The following CNGB1 variants were observed in gnomAD, a reference collection of about 807,000 sequenced individuals.
CNGB1 encodes the protein cyclic nucleotide-gated channel beta-1.
CNGB1 carries 126 observed loss-of-function variants against 151.7 expected under a neutral mutation model. The observed-to-expected ratio is 0.83, with a 90% CI of 0.72 to 0.96. The LOEUF (loss-of-function observed/expected upper bound fraction) is 0.96. Ranked by LOEUF, CNGB1 falls within the 40% of genes least tolerant of loss-of-function variation. CNGB1 has a pLI of 0.00. For missense variants in CNGB1, 1,698 were observed against 1,627.0 expected (o/e 1.04, Z -0.75); for synonymous variants, 623 against 635.1 (o/e 0.98, Z 0.29).
At position 57,883,069 on chromosome 16, in the gene CNGB1, C is replaced by G. The variant is rs1243653066; in HGVS notation, c.*1095G>C. 1.9e-4 allele frequency: 29 copies of G among 152,154 alleles called. No homozygotes were observed. The highest frequency in any genetic ancestry group is 1.9e-3 in the Admixed American group (29 of 15,272). The allele number at this position is 152,154 out of a possible 1,614,324, so 9.4% of individuals were successfully genotyped here. Reference sequence around the variant, plus strand: ...CGCTAGCAGCTCCTGGCCAGTAAGTCCATTTCCCTTCTATCTGTTCTGAGA... The same window carrying G: ...CGCTAGCAGCTCCTGGCCAGTAAGTGCATTTCCCTTCTATCTGTTCTGAGA... On this transcript the variant is annotated 3_prime_UTR_variant, in exon 33 of 33. Coordinates refer to ENST00000251102, the MANE Select transcript of CNGB1 (RefSeq NM_001297.5).
rs1959778013 is a variant in CNGB1 at position 57,882,341 on chromosome 16, A to ATTTT, written c.*1822_*1823insAAAA. The ATTTT allele has an allele frequency of 6.6e-6, 1 of 151,596 alleles. No homozygotes were observed. The highest frequency in any genetic ancestry group is 1.5e-5 in the Non-Finnish European group (1 of 67,816). The allele number at this position is 151,596 out of a possible 1,614,324, so 9.4% of individuals were successfully genotyped here. A position where few individuals can be genotyped will look rare whatever the true frequency, so the allele number is the denominator to read the frequency against. On this transcript the variant is annotated 3_prime_UTR_variant, in exon 33 of 33. Transcript: ENST00000251102. ...ATTTTTAAAGCTTTTTTTTTTAAAA[A>ATTTT]AAAAATAGGGTAAAATAATAAGGTC...
rs145089245 is a variant in CNGB1, at chr16:57,953,306, C to T, written c.875-2766G>A. ...GGTCAAGAGATCGAGACCATCCTGG[C>T]CAACATGGTGAAACCCATTCTCTAC... On this transcript the variant is annotated intron_variant, in intron 12 of 32. Transcript: ENST00000251102. Among the ~76,000 whole-genome samples the T allele has an allele frequency of 4.9e-3, 743 of 152,126 alleles. 6 individuals carry two copies. Among genetic ancestry groups the T allele is most frequent in the African/African-American group, 0.017 (711 of 41,494 alleles).
chr16:57,922,659 C>T (rs1019952762), intron 18 of CNGB1, among the ~76,000 whole-genome samples: 2 of 151,794 alleles, frequency 1.3e-5, no homozygotes, highest in African/African-American at 4.8e-5. Context: ...GAACTCCTGA[C>T]ATCAGGTGAT....
chr16:57,953,018 C>A (rs1408329347), intron 12 of CNGB1, among the ~76,000 whole-genome samples: 2 of 152,160 alleles, frequency 1.3e-5, no homozygotes, highest in Non-Finnish European at 2.9e-5. Context: ...CTCCAACTGC[C>A]CCTCTCTACA....
intron 18 of CNGB1, among the ~76,000 whole-genome samples, chr16:57,922,938 A>C (rs994070823): frequency 1.3e-5 from 2 of 149,460 alleles, no homozygotes; most frequent in Non-Finnish European, 3.0e-5. Flanking sequence ...CCCTGTCCCC[A>C]CTGACCTTTC....
intron 2 of CNGB1, among the ~76,000 whole-genome samples, 198 bp from the exon 3 acceptor site, chr16:57,964,742 C>T (rs115345960): frequency 0.016 from 2,438 of 152,314 alleles, 67 homozygotes; most frequent in African/African-American, 0.055. Flanking sequence ...AGGGACCCCT[C>T]ATCTGGGGCT....
chr16:57,906,107 T>G (rs1041565999), intron 25 of CNGB1, among the ~76,000 whole-genome samples: 5 of 152,180 alleles, frequency 3.3e-5, no homozygotes, highest in Non-Finnish European at 7.3e-5. Flanking sequence ...CAGCTATTTA[T>G]GCAGTGTCCT....
intron 31 of CNGB1, among the ~76,000 whole-genome samples, chr16:57,888,772 C>A (rs1399591869): frequency 6.6e-6 from 1 of 151,922 alleles, no homozygotes; most frequent in African/African-American, 2.4e-5. Flanking sequence ...TTTTAACCAG[C>A]AGAAGAGTTA....
intron 19 of CNGB1, among the ~76,000 whole-genome samples, chr16:57,919,611 C>T (rs773346104): frequency 3.3e-5 from 5 of 152,150 alleles, no homozygotes; most frequent in Admixed American, 2.0e-4. Context: ...GGGATGGGGG[C>T]ATTTTGTACC....
At position 57,964,131 on chromosome 16, in the gene CNGB1, T is replaced by C. The variant is rs1368269878; in HGVS notation, c.289A>G (p.Ser97Gly). ...AGAGAGGGGAGGGTGGTGCAGTACC[T>C]ATTCATTTCAGAAATCTCAGCGCCC... The part of the protein sequence containing the change: ...AQGAEISEMN[S>G]PSRRVLTWLM... The change falls in exon 4 of 33, where the codon AGT becomes GGT. Residue 97 changes from serine (S) to glycine (G), a missense_variant and splice_region_variant. Ser to Gly is a moderately conservative substitution (Grantham distance 56). Transcript: ENST00000251102. The C allele has an allele frequency of 1.2e-6, 2 of 1,614,034 alleles. No individual in the cohort carries two copies. The highest frequency in any genetic ancestry group is 4.5e-5 in the East Asian group (2 of 44,866).
intron 27 of CNGB1, 55 bp from the exon 28 acceptor site, chr16:57,901,680 T>A (rs57419704): frequency 0.023 from 33,065 of 1,464,560 alleles, 482 homozygotes; most frequent in South Asian, 0.045. Flanking sequence ...ACCCCAGACA[T>A]ACATACCGGC....
rs780282886 is a variant in CNGB1, at chr16:57,967,297, G to A, written c.-8-3C>T. The A allele has an allele frequency of 4.3e-6, 7 of 1,614,048 alleles. No individual in the cohort carries two copies. The highest frequency in any genetic ancestry group is 5.9e-6 in the Non-Finnish European group (7 of 1,180,042). ...GACCCAGCCCAACATCCTGATGCCT[G>A]TAGGAGACAGAGTCCTTAGCCCTCC... On this transcript the variant is annotated splice_region_variant and splice_polypyrimidine_tract_variant and intron_variant, in intron 1 of 32. Transcript: ENST00000251102.
chr16:57,920,585 A>C (rs2149366593), intron 18 of CNGB1, 41 bp from the exon 19 acceptor site: 1 of 1,604,552 alleles, frequency 6.2e-7, no homozygotes, highest in East Asian at 2.2e-5. Flanking sequence ...CTGAGCCGGG[A>C]GGGACCTGTG....
At chr16:57,909,576 A>G (rs148118493) in intron 25 of CNGB1, among the ~76,000 whole-genome samples, 3,285 of 152,142 alleles carry the variant, frequency 0.022, 120 homozygotes, top group African/African-American at 0.074. Context: ...TTTAGTAGAG[A>G]TGTGGTTTCG....
chr16:57,888,115 T>C, intron 31 of CNGB1, 41 bp from the exon 32 acceptor site: 1 of 1,594,732 alleles, frequency 6.3e-7, no homozygotes, highest in Non-Finnish European at 8.6e-7. Flanking sequence ...AGACGCACTC[T>C]GGGGGAAAAG....
chr16:57,929,676 T>C (rs997842564), intron 17 of CNGB1, among the ~76,000 whole-genome samples: 1 of 151,972 alleles, frequency 6.6e-6, no homozygotes, highest in African/African-American at 2.4e-5. Flanking sequence ...GGCCACACAG[T>C]TTTAAATGCC....
intron 25 of CNGB1, among the ~76,000 whole-genome samples, chr16:57,907,047 A>G (rs778120835): frequency 7.2e-5 from 11 of 152,154 alleles, no homozygotes; most frequent in Non-Finnish European, 1.2e-4. Flanking sequence ...ATCCTCCTTC[A>G]TTACTCGTAC....
intron 17 of CNGB1, among the ~76,000 whole-genome samples, chr16:57,924,572 C>T (rs185174876): frequency 3.9e-5 from 6 of 152,240 alleles, no homozygotes; most frequent in South Asian, 2.1e-4. Flanking sequence ...GTATGCATGT[C>T]ACACATGAAA....
chr16:57,891,625 T>C (rs8049548), intron 31 of CNGB1, among the ~76,000 whole-genome samples: 27,702 of 152,044 alleles, frequency 0.18, 4,602 homozygotes, highest in African/African-American at 0.45. Flanking sequence ...GGTGTGATCT[T>C]GGCTCACTGC....
Sources: allele counts gnomAD v4.1 joint callset (sites outside exome capture counted in the v4.1 genomes callset), GRCh38; gene constraint gnomAD v4.1.1; transcripts MANE v1.5; gene names NCBI Gene and HGNC (gene_info 2026-07-23, HGNC 2026-07-21).